PHKB: variants seen among roughly 807,000 people sequenced by gnomAD.
PHKB encodes the protein phosphorylase kinase regulatory subunit beta.
A neutral mutation model predicts 152.1 loss-of-function variants in PHKB; 122 were observed. That is an observed-to-expected ratio of 0.80 (90% CI 0.69 to 0.93). The LOEUF (loss-of-function observed/expected upper bound fraction) is 0.93, where lower values mean the gene tolerates loss of function less well. Among genes scored for constraint, PHKB ranks in the 40% least tolerant of loss-of-function variants. The pLI is 0.00. For synonymous variants in PHKB, 436 were observed against 464.9 expected (o/e 0.94, Z 0.80); for missense variants, 1,304 against 1,328.4 (o/e 0.98, Z 0.29).
chr16:47,615,674 G>A lies in PHKB; in HGVS notation c.1458+4754G>A, dbSNP rs142321294. Among the ~76,000 whole-genome samples the A allele has an allele frequency of 9.8e-5, 15 of 152,336 alleles. No individual in the cohort carries two copies. The East Asian group carries it at 2.5e-3, about 25-fold the overall frequency. ...CCATTCTTCAAGTGCTGAGGCCTCT[G>A]GCCAGTCCAGTCTGCTTTCTTTCCA... is the stretch of plus-strand genomic sequence containing the variant. On this transcript the variant is annotated intron_variant, in intron 14 of 30. Coordinates refer to ENST00000323584, the MANE Select transcript of PHKB (RefSeq NM_000293.3).
chr16:47,492,440 A>G (rs1970165360), intron 1 of PHKB, among the ~76,000 whole-genome samples: 1 of 152,236 alleles, frequency 6.6e-6, no homozygotes, highest in Admixed American at 6.5e-5. Context: ...GAAAGAAAAA[A>G]CCAGTTTAAA....
rs369776235 is a variant in PHKB, at chr16:47,661,725, A to G, written c.2203A>G (p.Ser735Gly). The change falls in exon 23 of 31, where the codon AGT (serine) becomes GGT (glycine). Residue 735 changes from serine to glycine, a missense_variant. By Grantham distance (56) the Ser-to-Gly change is moderately conservative. Coordinates refer to ENST00000323584, the MANE Select transcript of PHKB (RefSeq NM_000293.3). The stretch of plus-strand genomic sequence containing the variant: ...CCGTGATTTATATTTTCAGGATTGC[A>G]GTTGTCTGGCTAGCCAAGCCATCCT... ...HEILQKLNDC[S>G]CLASQAILLG... 5.6e-6 allele frequency: 9 copies of G among 1,609,528 alleles called. No homozygotes were observed. The African/African-American group carries it at 8.0e-5, about 14-fold the overall frequency.
intron 14 of PHKB, among the ~76,000 whole-genome samples, chr16:47,612,203 C>G (rs1354529033): frequency 6.6e-6 from 1 of 152,184 alleles, no homozygotes; most frequent in African/African-American, 2.4e-5. Context: ...TATGACTGAG[C>G]CATTTTAAGA....
chr16:47,545,985 A>G (rs1467929147), intron 6 of PHKB, among the ~76,000 whole-genome samples: 3 of 152,128 alleles, frequency 2.0e-5, no homozygotes, highest in Non-Finnish European at 2.9e-5. Context: ...CTAGTTAGCC[A>G]TTCATATAAT....
intron 25 of PHKB, chr16:47,665,310 T>C (rs572488856): frequency 3.1e-6 from 1 of 318,612 alleles, no homozygotes; most frequent in East Asian, 8.1e-5. Context: ...AATTGTCTTA[T>C]GTATTGCATG....
At chr16:47,646,595 A>G (rs913373933) in intron 16 of PHKB, among the ~76,000 whole-genome samples, 2 of 149,928 alleles carry the variant, frequency 1.3e-5, no homozygotes, top group Non-Finnish European at 3.0e-5. Context: ...GGAAAAAGTT[A>G]CAGAACATAC....
At chr16:47,615,985 A>G (rs1972507822) in intron 14 of PHKB, among the ~76,000 whole-genome samples, 2 of 152,228 alleles carry the variant, frequency 1.3e-5, no homozygotes, top group Admixed American at 1.3e-4. Context: ...ACCAGAACCA[A>G]TTTTAGAACA....
At chr16:47,679,719 G>T (rs1358444214) in intron 26 of PHKB, among the ~76,000 whole-genome samples, 1 of 152,098 alleles carries the variant, frequency 6.6e-6, no homozygotes, top group Admixed American at 6.5e-5. Context: ...CTGCAAACAG[G>T]GACAATTTGA....
rs1974212693 is a variant in PHKB, at chr16:47,699,535, C to T, written c.*169C>T. On this transcript the variant is annotated 3_prime_UTR_variant, in exon 31 of 31. Transcript: ENST00000323584. ...CTCTTGCATGTCATAGCCAATCTAA[C>T]GGTAATGGTAAATGCTTTTAATCAA... 7 of 753,570 alleles carry T rather than the reference C, an allele frequency of 9.3e-6. No individual in the cohort carries two copies. The highest frequency in any genetic ancestry group is 2.6e-4 in the Middle Eastern group (1 of 3,776). The allele number at this position is 753,570 out of a possible 1,614,324, so 46.7% of individuals were successfully genotyped here.
At chr16:47,483,966 A>C (rs1597020143) in intron 1 of PHKB, among the ~76,000 whole-genome samples, 2 of 152,328 alleles carry the variant, frequency 1.3e-5, no homozygotes, top group South Asian at 4.1e-4. Context: ...ACCACTTCTA[A>C]ATGCATTTGT....
chr16:47,678,768 A>G (rs1284277923), intron 26 of PHKB, among the ~76,000 whole-genome samples: 3 of 152,008 alleles, frequency 2.0e-5, no homozygotes, highest in Admixed American at 6.5e-5. Context: ...GAAGCTCTTT[A>G]GTTTAATTAG....
intron 13 of PHKB, 99 bp from the exon 14 acceptor site, chr16:47,610,727 T>C: frequency 1.3e-6 from 1 of 743,978 alleles, no homozygotes; most frequent in Non-Finnish European, 2.4e-6. Context: ...GAGAAAAATG[T>C]ATATTCTTCT....
rs562403787 is a variant in PHKB, at chr16:47,604,716, CT to C, written c.1364-6105del. Among the ~76,000 whole-genome samples the C allele has an allele frequency of 1.5e-3, 234 of 151,954 alleles. 3 individuals are homozygous for C. Among genetic ancestry groups the C allele is most frequent in the Middle Eastern group, 3.4e-3 (1 of 292 alleles). On this transcript the variant is annotated intron_variant, in intron 13 of 30. Transcript: ENST00000323584. ...AGAAACAGATTTTTCTTAATATTTT[CT>C]TTTTACGCTGGACAGTTTTTGCTTG... is the stretch of plus-strand genomic sequence containing the variant.
intron 14 of PHKB, among the ~76,000 whole-genome samples, chr16:47,624,703 C>T (rs970296025): frequency 6.6e-6 from 1 of 152,088 alleles, no homozygotes; most frequent in Non-Finnish European, 1.5e-5. Context: ...TTAAGTGCTC[C>T]GCAGCTATTC....
At chr16:47,582,165 T>C (rs1971859002) in intron 8 of PHKB, among the ~76,000 whole-genome samples, 1 of 152,166 alleles carries the variant, frequency 6.6e-6, no homozygotes, top group African/African-American at 2.4e-5. Flanking sequence ...ACATACCAAA[T>C]ACTGAGCTGA....
chr16:47,521,979 T>C (rs1279030517), intron 6 of PHKB, among the ~76,000 whole-genome samples: 1 of 152,208 alleles, frequency 6.6e-6, no homozygotes, highest in African/African-American at 2.4e-5. Context: ...TGTTGAGTAT[T>C]TTTACATTAA....
intron 6 of PHKB, among the ~76,000 whole-genome samples, chr16:47,544,202 C>T (rs1422071995): frequency 6.6e-6 from 1 of 152,254 alleles, no homozygotes; most frequent in Non-Finnish European, 1.5e-5. Context: ...TTGGATCTTT[C>T]CCAGTTTCTC....
intron 6 of PHKB, among the ~76,000 whole-genome samples, chr16:47,536,886 G>A (rs1970961074): frequency 6.6e-6 from 1 of 152,204 alleles, no homozygotes; most frequent in Non-Finnish European, 1.5e-5. Flanking sequence ...AGAAATTAGA[G>A]ACTTCACTAA....
rs933497910 is a variant in PHKB at position 47,540,263 on chromosome 16, G to A, written c.595-7170G>A. Reference sequence around the variant, plus strand: ...GGAAAAACCTCCCTCCCCCCTCCCCGGTAAATTTGAGGTCAGACCAGTTCT... The same window carrying A: ...GGAAAAACCTCCCTCCCCCCTCCCCAGTAAATTTGAGGTCAGACCAGTTCT... On this transcript the variant is annotated intron_variant, in intron 6 of 30. Transcript: ENST00000323584. 1.2e-4 allele frequency among the ~76,000 whole-genome samples: 8 copies of A among 65,756 alleles called. No individual in the cohort carries two copies. In the South Asian group the frequency reaches 1.8e-3, roughly 15 times the overall value. 43.1% of individuals were successfully genotyped at this position (65,756 alleles called of 152,430 possible).
Sources: gnomAD v4.1 joint callset for allele counts (sites outside exome capture counted in the v4.1 genomes callset) on GRCh38, gnomAD v4.1.1 for gene constraint, MANE v1.5 for transcripts, NCBI Gene and HGNC (gene_info 2026-07-23, HGNC 2026-07-21) for gene names.